Variants in RARB observed in about 807,000 individuals in gnomAD.
RARB encodes the protein retinoic acid receptor beta.
RARB carries 17 observed loss-of-function variants against 51.9 expected under a neutral mutation model. The ratio of observed to expected loss-of-function variants is 0.33; its 90% CI spans 0.22 to 0.49. The LOEUF is 0.49. Ranked by LOEUF, RARB falls within the 20% of genes least tolerant of loss-of-function variation. The pLI is 0.99. For missense variants in RARB, 369 were observed against 550.8 expected, an observed-to-expected ratio of 0.67 and a Z score of 3.30; for synonymous variants, 215 against 195.4, an observed-to-expected ratio of 1.10 and a Z score of -0.84.
chr3:25,310,176 A>T (rs1029310756), intron 5 of RARB, among the ~76,000 whole-genome samples: 13 of 152,228 alleles, frequency 8.5e-5, no homozygotes, highest in Admixed American at 4.6e-4. Flanking sequence ...GGTGACGAGC[A>T]GCACTCATGA....
chr3:25,004,246 C>A (rs1697223122), intron 2 of RARB, among the ~76,000 whole-genome samples: 1 of 152,072 alleles, frequency 6.6e-6, no homozygotes, highest in African/African-American at 2.4e-5. Flanking sequence ...TAGCATGAAA[C>A]CCTGAAAAGA....
At chr3:25,393,821 C>T (rs116672620) in intron 5 of RARB, among the ~76,000 whole-genome samples, 2,223 of 151,922 alleles carry the variant, frequency 0.015, 59 homozygotes, top group African/African-American at 0.051. Flanking sequence ...GGTTAATCTC[C>T]CTAATGGTCT....
At chr3:25,355,582 T>TA (rs143613670) in intron 5 of RARB, among the ~76,000 whole-genome samples, 36 of 151,664 alleles carry the variant, frequency 2.4e-4, no homozygotes, top group African/African-American at 7.7e-4. Context: ...TTTAACCTTT[T>TA]AAAAAAAAAT....
chr3:25,196,022 A>G (rs1701224696), intron 5 of RARB, among the ~76,000 whole-genome samples: 1 of 152,016 alleles, frequency 6.6e-6, no homozygotes, highest in Admixed American at 6.6e-5. Context: ...CTTCGTGGTC[A>G]GCATGTATCT....
intron 5 of RARB, among the ~76,000 whole-genome samples, chr3:25,257,309 C>T (rs1167025924): frequency 6.6e-6 from 1 of 152,006 alleles, no homozygotes; most frequent in African/African-American, 2.4e-5. Context: ...CTGTGTCCAG[C>T]ACAGAGGAGT....
intron 5 of RARB, among the ~76,000 whole-genome samples, chr3:25,348,310 T>A (rs1705457848): frequency 1.3e-5 from 2 of 152,052 alleles, no homozygotes; most frequent in African/African-American, 4.8e-5. Context: ...TAAATTTTAT[T>A]ATCTTAAATA....
intron 3 of RARB, among the ~76,000 whole-genome samples, chr3:25,512,461 T>TGTTA (rs138588118): frequency 0.048 from 7,298 of 152,296 alleles, 218 homozygotes; most frequent in Non-Finnish European, 0.071. Context: ...TGTCCAAATG[T>TGTTA]GTTAGCATGG....
chr3:25,307,366 G>A (rs1029353222), intron 5 of RARB, among the ~76,000 whole-genome samples: 37 of 150,224 alleles, frequency 2.5e-4, no homozygotes, highest in Non-Finnish European at 4.9e-4. Flanking sequence ...CAGCCTTTGA[G>A]ACAGAACGAA....
At chr3:25,319,982 A>G (rs1474569246) in intron 5 of RARB, among the ~76,000 whole-genome samples, 1 of 152,012 alleles carries the variant, frequency 6.6e-6, no homozygotes, top group East Asian at 1.9e-4. Flanking sequence ...TTTCTGGAAC[A>G]GTGGGGACAT....
intron 3 of RARB, among the ~76,000 whole-genome samples, chr3:25,084,673 G>A (rs1404119385): frequency 6.6e-6 from 1 of 151,666 alleles, no homozygotes; most frequent in Non-Finnish European, 1.5e-5. Context: ...AGAAAATGAA[G>A]GATAATGTTT....
chr3:25,048,786 C>T (rs11717464), intron 2 of RARB, among the ~76,000 whole-genome samples: 97,536 of 138,254 alleles, frequency 0.71, 34,477 homozygotes, highest in Non-Finnish European at 0.73. Flanking sequence ...GACGGAGTCT[C>T]GCTCTGTTGC....
chr3:25,379,878 A>G (rs2125478241), intron 5 of RARB, among the ~76,000 whole-genome samples: 1 of 152,248 alleles, frequency 6.6e-6, no homozygotes, highest in Non-Finnish European at 1.5e-5. Flanking sequence ...CTTAGATTCC[A>G]TGAAATTTAA....
At chr3:25,225,630 G>A (rs1217652342) in intron 5 of RARB, among the ~76,000 whole-genome samples, 2 of 152,056 alleles carry the variant, frequency 1.3e-5, no homozygotes, top group Middle Eastern at 3.2e-3. Context: ...GACTTGACAT[G>A]GAATTTCATG....
chr3:25,071,860 T>C (rs1465248978), intron 3 of RARB, among the ~76,000 whole-genome samples: 2 of 152,170 alleles, frequency 1.3e-5, no homozygotes, highest in Non-Finnish European at 2.9e-5. Flanking sequence ...CAAGCTTTAA[T>C]GTGCTACTAC....
intron 4 of RARB, among the ~76,000 whole-genome samples, chr3:25,163,512 T>A (rs879600989): frequency 0.26 from 12,093 of 46,164 alleles, 848 homozygotes; most frequent in South Asian, 0.44. Context: ...AAAATATATA[T>A]ATATATATAT....
chr3:24,909,956 C>G (rs1402297693), intron 2 of RARB, among the ~76,000 whole-genome samples: 11 of 152,012 alleles, frequency 7.2e-5, no homozygotes, highest in Non-Finnish European at 1.5e-4. Flanking sequence ...TATTTTTTCC[C>G]AAAACATTTA....
chr3:25,121,009 A>T lies in RARB; in HGVS notation c.-327-11152A>T, dbSNP rs955862903. On this transcript the variant is annotated intron_variant, in intron 3 of 11. Transcript: ENST00000383772. ...GTTGGCCAGCTCCTGATTTAAATAA[A>T]CATAACCCCAAACTGGTAATATAAT... Among the ~76,000 whole-genome samples, 8 of 152,172 alleles carry T rather than the reference A, an allele frequency of 5.3e-5. No individual in the cohort carries two copies. In the East Asian group the frequency reaches 1.3e-3, roughly 26 times the overall value.
At chr3:25,537,354 C>T (rs1390274179) in intron 3 of RARB, among the ~76,000 whole-genome samples, 1 of 152,214 alleles carries the variant, frequency 6.6e-6, no homozygotes, top group Non-Finnish European at 1.5e-5. Flanking sequence ...TCCCCTGAGA[C>T]TGTCTTACTC....
At chr3:25,375,685 A>C (rs941845753) in intron 5 of RARB, among the ~76,000 whole-genome samples, 1 of 152,118 alleles carries the variant, frequency 6.6e-6, no homozygotes, top group African/African-American at 2.4e-5. Flanking sequence ...GATCACCACA[A>C]ATTAGTTGAG....
Sources: gnomAD v4.1 joint callset for allele counts (sites outside exome capture counted in the v4.1 genomes callset) on GRCh38, gnomAD v4.1.1 for gene constraint, MANE v1.5 for transcripts, NCBI Gene and HGNC (gene_info 2026-07-23, HGNC 2026-07-21) for gene names.